The following RBFOX1 variants were observed in gnomAD, a reference collection of about 807,000 sequenced individuals.
RBFOX1 encodes RNA binding protein fox-1 homolog 1.
Under a neutral mutation model 57.7 loss-of-function variants are expected in RBFOX1, and 8 were observed. The ratio of observed to expected loss-of-function variants is 0.14; its 90% CI spans 0.08 to 0.25. The LOEUF (loss-of-function observed/expected upper bound fraction) is 0.25. RBFOX1 is among the 10% of genes least tolerant of loss of function. The pLI, the probability that RBFOX1 is intolerant of heterozygous loss-of-function variation, is 1.00. For missense variants in RBFOX1, 611 were observed against 548.5 expected, an observed-to-expected ratio of 1.11 and a Z score of -1.14; for synonymous variants, 326 against 222.4, an observed-to-expected ratio of 1.47 and a Z score of -4.15.
intron 4 of RBFOX1, among the ~76,000 whole-genome samples, chr16:7,455,985 A>T (rs887359920): frequency 1.3e-4 from 20 of 152,118 alleles, no homozygotes; most frequent in African/African-American, 4.3e-4. Context: ...CCTTTTATTA[A>T]GGGCAGGGCC....
Position 7,712,131 on chromosome 16 carries a change from T to C in RBFOX1, c.*1386T>C, listed in dbSNP as rs1447090658. 1 of 152,602 alleles carries C rather than the reference T, an allele frequency of 6.6e-6. No individual in the cohort carries two copies. The highest frequency in any genetic ancestry group is 1.9e-4 in the East Asian group (1 of 5,186). The allele number at this position is 152,602 out of a possible 1,614,324, so 9.5% of individuals were successfully genotyped here. A position where few individuals can be genotyped will look rare whatever the true frequency, so the allele number is the denominator to read the frequency against. On this transcript the variant is annotated 3_prime_UTR_variant, in exon 16 of 16. Coordinates refer to ENST00000550418, the MANE Select transcript of RBFOX1 (RefSeq NM_018723.4). Reference sequence around the variant, plus strand: ...GTGACACAGCCGAAAAATTGCAGTTTGTCTGTACTTCTGTTTGAACTTTCC... The same window carrying C: ...GTGACACAGCCGAAAAATTGCAGTTCGTCTGTACTTCTGTTTGAACTTTCC...
intron 2 of RBFOX1, among the ~76,000 whole-genome samples, chr16:6,490,485 T>C (rs756583405): frequency 3.3e-4 from 50 of 152,248 alleles, no homozygotes; most frequent in Non-Finnish European, 6.9e-4. Flanking sequence ...GTCCATTTCA[T>C]ACCAGCTGTC....
chr16:6,744,353 A>G (rs990698058), intron 3 of RBFOX1, among the ~76,000 whole-genome samples: 3 of 152,126 alleles, frequency 2.0e-5, no homozygotes, highest in South Asian at 2.1e-4. Flanking sequence ...ATTTGCCTTA[A>G]TTAATGACTG....
intron 3 of RBFOX1, among the ~76,000 whole-genome samples, chr16:6,757,689 A>C (rs10775354): frequency 0.95 from 144,519 of 152,192 alleles, 69,055 homozygotes; most frequent in East Asian, 1. Flanking sequence ...TAATAAGTAC[A>C]AACATATGGT....
At position 6,948,100 on chromosome 16, in the gene RBFOX1, T is replaced by A. The variant is rs543174192; in HGVS notation, c.-15-103957T>A. On this transcript the variant is annotated intron_variant, in intron 3 of 15. Transcript: ENST00000550418. Reference sequence around the variant, plus strand: ...TGGCCTACATATTCTCATTTTCTTCTGCGGTTTGAGAAGGAGTAGAAAACA... The same window carrying A: ...TGGCCTACATATTCTCATTTTCTTCAGCGGTTTGAGAAGGAGTAGAAAACA... Among the ~76,000 whole-genome samples the A allele has an allele frequency of 1.3e-3, 197 of 152,184 alleles. 1 individual carries two copies. The highest frequency in any genetic ancestry group is 4.4e-3 in the African/African-American group (184 of 41,516).
At chr16:7,000,204 T>G (rs1356046583) in intron 3 of RBFOX1, among the ~76,000 whole-genome samples, 7 of 152,200 alleles carry the variant, frequency 4.6e-5, no homozygotes, top group African/African-American at 1.4e-4. Flanking sequence ...TTATTATGCC[T>G]TGAAAGTAGC....
intron 1 of RBFOX1, among the ~76,000 whole-genome samples, chr16:5,343,986 C>G (rs530731217): frequency 6.6e-6 from 1 of 152,190 alleles, no homozygotes; most frequent in African/African-American, 2.4e-5. Flanking sequence ...ACTAGACTTT[C>G]TTTGGGTCTG....
At chr16:5,882,031 C>G (rs549142700) in intron 4 of RBFOX1, among the ~76,000 whole-genome samples, 3 of 152,184 alleles carry the variant, frequency 2.0e-5, no homozygotes, top group South Asian at 2.1e-4. Flanking sequence ...TTATTCCCCA[C>G]CACATTCCTA....
At chr16:7,560,590 T>C (rs2090089527) in intron 5 of RBFOX1, among the ~76,000 whole-genome samples, 1 of 151,390 alleles carries the variant, frequency 6.6e-6, no homozygotes, top group Non-Finnish European at 1.5e-5. Context: ...TCCTGGAGCA[T>C]AATCTAATTT....
rs946957239 is a variant in RBFOX1 at position 6,743,491 on chromosome 16, C to G, written c.-16+88841C>G. 2.6e-5 allele frequency among the ~76,000 whole-genome samples: 4 copies of G among 152,230 alleles called. No individual in the cohort carries two copies. The South Asian group carries it at 8.3e-4, about 32-fold the overall frequency. ...GAATGGTAGTGCACACCTGTAGTCC[C>G]AGCACTTTGGGAGGCCAAGGCAGGA... is the stretch of plus-strand genomic sequence containing the variant. On this transcript the variant is annotated intron_variant, in intron 3 of 15. Transcript: ENST00000550418.
At chr16:5,702,461 A>G (rs1331028683) in intron 3 of RBFOX1, among the ~76,000 whole-genome samples, 1 of 152,190 alleles carries the variant, frequency 6.6e-6, no homozygotes, top group Non-Finnish European at 1.5e-5. Context: ...AATCCAAACC[A>G]TATCACCTTG....
chr16:6,004,990 G>A (rs990934753), intron 4 of RBFOX1, among the ~76,000 whole-genome samples: 3 of 148,668 alleles, frequency 2.0e-5, no homozygotes, highest in Non-Finnish European at 4.4e-5. Context: ...TTGTTTTGTT[G>A]CTAAAAAACA....
chr16:7,036,710 C>CA (rs201003396), intron 3 of RBFOX1, among the ~76,000 whole-genome samples: 43 of 128,186 alleles, frequency 3.4e-4, no homozygotes, highest in Admixed American at 1.4e-3. Context: ...AACAAACAAA[C>CA]AAAAAAAACA....
intron 2 of RBFOX1, among the ~76,000 whole-genome samples, chr16:6,597,090 G>T (rs2097783509): frequency 6.6e-6 from 1 of 152,100 alleles, no homozygotes; most frequent in South Asian, 2.1e-4. Flanking sequence ...AGCTAGAATT[G>T]CTGTGTTCTG....
intron 4 of RBFOX1, among the ~76,000 whole-genome samples, chr16:7,308,109 A>T (rs771074778): frequency 2.0e-5 from 3 of 152,190 alleles, no homozygotes; most frequent in Non-Finnish European, 4.4e-5. Flanking sequence ...AGAAATAGAA[A>T]ACAGCCACAC....
intron 2 of RBFOX1, among the ~76,000 whole-genome samples, chr16:5,495,800 A>T (rs572804714): frequency 6.6e-6 from 1 of 152,364 alleles, no homozygotes; most frequent in African/African-American, 2.4e-5. Context: ...TTCTCCAGGC[A>T]TCTTCATGAA....
intron 4 of RBFOX1, among the ~76,000 whole-genome samples, chr16:7,205,788 TTATC>T: frequency 6.6e-6 from 1 of 152,348 alleles, no homozygotes; most frequent in South Asian, 2.1e-4. Context: ...ACTGCAGTGA[TTATC>T]TGTATGAGGT....
At chr16:6,028,159 C>T (rs1457040039) in intron 1 of RBFOX1, among the ~76,000 whole-genome samples, 1 of 152,076 alleles carries the variant, frequency 6.6e-6, no homozygotes, top group Non-Finnish European at 1.5e-5. Flanking sequence ...TGGCATGGCT[C>T]ACTTTTACCA....
intron 4 of RBFOX1, among the ~76,000 whole-genome samples, chr16:5,960,275 C>G (rs1273017937): frequency 6.6e-6 from 1 of 152,136 alleles, no homozygotes; most frequent in African/African-American, 2.4e-5. Flanking sequence ...TATTATTTCA[C>G]TTAATTATTA....
Sources: allele counts gnomAD v4.1 joint callset (sites outside exome capture counted in the v4.1 genomes callset), GRCh38; gene constraint gnomAD v4.1.1; transcripts MANE v1.5; gene names NCBI Gene and HGNC (gene_info 2026-07-23, HGNC 2026-07-21).